Variants in LRRC7 observed in about 807,000 individuals in gnomAD.
LRRC7 encodes leucine-rich repeat-containing protein 7.
In LRRC7, 23 loss-of-function variants were observed where a neutral mutation model predicts 175.7. That is an observed-to-expected ratio of 0.13 (90% CI 0.09 to 0.19). LRRC7 has a LOEUF of 0.19. LRRC7 is among the 10% of genes least tolerant of loss of function. The pLI, the probability that LRRC7 is intolerant of heterozygous loss-of-function variation, is 1.00. For missense variants in LRRC7, 1,354 were observed against 1,904.7 expected, an observed-to-expected ratio of 0.71 and a Z score of 5.38; for synonymous variants, 685 against 680.9, an observed-to-expected ratio of 1.01 and a Z score of -0.09.
chr1:70,136,378 C>T lies in LRRC7; in HGVS notation c.*14491C>T, dbSNP rs892616117. The stretch of plus-strand genomic sequence containing the variant: ...CTTGTAAGTCTGCCTCCGGACCATT[C>T]TAAGGTTTGTCCTCTAGCCAATCTA... On this transcript the variant is annotated 3_prime_UTR_variant, in exon 27 of 27. Coordinates refer to ENST00000651989, the MANE Select transcript of LRRC7 (RefSeq NM_001370785.2). 7.2e-5 allele frequency among the ~76,000 whole-genome samples: 11 copies of T among 152,088 alleles called. No homozygotes were observed. The highest frequency in any genetic ancestry group is 4.6e-4 in the Admixed American group (7 of 15,278).
chr1:69,749,861 A>G (rs1669647837), intron 2 of LRRC7, among the ~76,000 whole-genome samples: 1 of 151,898 alleles, frequency 6.6e-6, no homozygotes, highest in Non-Finnish European at 1.5e-5. Context: ...CAGGAGATCG[A>G]GACCATCTTG....
At chr1:69,869,171 A>G (rs974647603) in intron 7 of LRRC7, among the ~76,000 whole-genome samples, 10 of 152,122 alleles carry the variant, frequency 6.6e-5, no homozygotes, top group Non-Finnish European at 1.5e-4. Context: ...TTGAGAAAGA[A>G]GAGATAAATC....
chr1:69,666,250 A>T (rs1274279700), intron 1 of LRRC7, among the ~76,000 whole-genome samples: 3 of 152,134 alleles, frequency 2.0e-5, no homozygotes, highest in African/African-American at 7.2e-5. Flanking sequence ...AAATGTTTGC[A>T]TGAATATTCA....
At chr1:69,918,007 C>T (rs1646771796) in intron 7 of LRRC7, among the ~76,000 whole-genome samples, 1 of 152,080 alleles carries the variant, frequency 6.6e-6, no homozygotes, top group Admixed American at 6.6e-5. Flanking sequence ...GCTCAAATGC[C>T]ACTTCTTAAA....
chr1:69,578,140 C>T (rs967625468), intron 1 of LRRC7, among the ~76,000 whole-genome samples: 3 of 152,036 alleles, frequency 2.0e-5, no homozygotes, highest in Non-Finnish European at 4.4e-5. Flanking sequence ...AGGACATGAA[C>T]AGACACTTCT....
intron 3 of LRRC7, among the ~76,000 whole-genome samples, chr1:69,774,893 C>T (rs549902700): frequency 1.5e-4 from 23 of 149,850 alleles, no homozygotes; most frequent in South Asian, 1.0e-3. Flanking sequence ...AAGAAATACA[C>T]GCACATCTTT....
intron 1 of LRRC7, among the ~76,000 whole-genome samples, chr1:69,602,285 A>G (rs1623673): frequency 0.15 from 23,028 of 152,146 alleles, 1,924 homozygotes; most frequent in Admixed American, 0.19. Flanking sequence ...CGACGGTATT[A>G]ATGACAAAAG....
chr1:69,849,395 T>TA (rs1330606482), intron 7 of LRRC7, among the ~76,000 whole-genome samples: 1 of 151,904 alleles, frequency 6.6e-6, no homozygotes, highest in African/African-American at 2.4e-5. Flanking sequence ...GAAATACATC[T>TA]AAAAAAAGCA....
At chr1:69,573,098 T>C (rs1645804036) in intron 1 of LRRC7, among the ~76,000 whole-genome samples, 1 of 152,180 alleles carries the variant, frequency 6.6e-6, no homozygotes, top group African/African-American at 2.4e-5. Context: ...GCTAAACTCC[T>C]ACCATGAGTC....
chr1:69,893,921 T>A (rs747861155), intron 7 of LRRC7, among the ~76,000 whole-genome samples: 1 of 152,148 alleles, frequency 6.6e-6, no homozygotes, highest in Non-Finnish European at 1.5e-5. Flanking sequence ...GAGAAACTGA[T>A]GAACTGTGCA....
chr1:70,024,460 A>G (rs1557998379), intron 17 of LRRC7, among the ~76,000 whole-genome samples: 1 of 151,914 alleles, frequency 6.6e-6, no homozygotes, highest in African/African-American at 2.4e-5. Flanking sequence ...ATTTACATCT[A>G]AGATACAAAG....
rs577791648 is a variant in LRRC7, at chr1:69,811,543, G to A, written c.422-14205G>A. On this transcript the variant is annotated intron_variant, in intron 4 of 26. Transcript: ENST00000651989. The stretch of plus-strand genomic sequence containing the variant: ...CCCAAATGTCCATCAATGACAGACT[G>A]GATAAAGAAAATGTGGACCATATAC... 2.0e-5 allele frequency among the ~76,000 whole-genome samples: 3 copies of A among 152,086 alleles called. No homozygotes were observed. The South Asian group carries it at 6.2e-4, about 32-fold the overall frequency.
At chr1:69,674,746 G>A (rs1201827147) in intron 1 of LRRC7, among the ~76,000 whole-genome samples, 2 of 151,828 alleles carry the variant, frequency 1.3e-5, no homozygotes, top group African/African-American at 4.8e-5. Flanking sequence ...TATATACCTG[G>A]ATATTTTGTG....
rs901782893 is a variant in LRRC7, at chr1:69,598,476, C to T, written c.2+29835C>T. On this transcript the variant is annotated intron_variant, in intron 1 of 26. Coordinates refer to ENST00000651989, the MANE Select transcript of LRRC7 (RefSeq NM_001370785.2). ...CAGGATAGGGTAGGTTGTGGAGACT[C>T]AGGGAAGAGTGTGTGGGTCCAAAGG... Among the ~76,000 whole-genome samples the T allele has an allele frequency of 2.0e-5, 3 of 152,154 alleles. No homozygotes were observed. The South Asian group carries it at 6.2e-4, about 32-fold the overall frequency.
chr1:69,712,827 G>A (rs1488464644), intron 2 of LRRC7, among the ~76,000 whole-genome samples: 1 of 152,130 alleles, frequency 6.6e-6, no homozygotes, highest in East Asian at 1.9e-4. Context: ...GTGGGGTGAT[G>A]ATGTCCATAT....
intron 23 of LRRC7, among the ~76,000 whole-genome samples, chr1:70,068,220 A>C (rs2102105492): frequency 6.6e-6 from 1 of 152,296 alleles, no homozygotes; most frequent in Non-Finnish European, 1.5e-5. Context: ...TTTTCCCATT[A>C]AGTATATTAG....
At chr1:69,764,869 A>G (rs1267461702) in intron 3 of LRRC7, among the ~76,000 whole-genome samples, 1 of 152,054 alleles carries the variant, frequency 6.6e-6, no homozygotes, top group Non-Finnish European at 1.5e-5. Flanking sequence ...TTATTATTCT[A>G]TTACAGCTGA....
At chr1:69,677,371 GT>G (rs1465206609) in intron 1 of LRRC7, among the ~76,000 whole-genome samples, 1 of 151,408 alleles carries the variant, frequency 6.6e-6, no homozygotes, top group Admixed American at 6.6e-5. Context: ...GAATTCTGGT[GT>G]AATAAACATA....
chr1:70,036,816 T>C (rs1303731369), intron 20 of LRRC7, among the ~76,000 whole-genome samples, 192 bp downstream of exon 20: 1 of 152,036 alleles, frequency 6.6e-6, no homozygotes, highest in Non-Finnish European at 1.5e-5. Flanking sequence ...GAGAGGCCAT[T>C]GGTTAAGGAA....
Sources: gnomAD v4.1 joint callset for allele counts (sites outside exome capture counted in the v4.1 genomes callset) on GRCh38, gnomAD v4.1.1 for gene constraint, MANE v1.5 for transcripts, NCBI Gene and HGNC (gene_info 2026-07-23, HGNC 2026-07-21) for gene names.